Variants in MON2 observed in about 807,000 individuals in gnomAD.
The protein encoded by MON2 is MON2 regulator of endosome-to-Golgi trafficking.
Under a neutral mutation model 208.6 loss-of-function variants are expected in MON2, and 84 were observed. That is an observed-to-expected ratio of 0.40 (90% CI 0.34 to 0.48). MON2 has a LOEUF of 0.48. MON2 is among the 20% of genes least tolerant of loss of function. MON2 has a pLI of 0.59. For synonymous variants in MON2, 660 were observed against 694.0 expected (o/e 0.95, Z 0.77); for missense variants, 1,611 against 2,015.4 (o/e 0.80, Z 3.84).
At position 62,532,541 on chromosome 12, in the gene MON2, A is replaced by G; in HGVS notation, c.1504A>G (p.Met502Val). Residue 502 changes from methionine to valine, a missense_variant, in exon 12 of 35, where the codon ATG becomes GTG. By Grantham distance (21) the Met-to-Val change is conservative. Coordinates refer to ENST00000393630, the MANE Select transcript of MON2 (RefSeq NM_015026.3). The stretch of plus-strand genomic sequence containing the variant: ...AGACCTTGTTCGTGGAATCACAAGT[A>G]TGATTGAAGGAGAGCTAGGAGAGCT... ...LLDLVRGITS[M>V]IEGELGELET... 2 of 1,614,056 alleles carry G rather than the reference A, an allele frequency of 1.2e-6. No homozygotes were observed. Among genetic ancestry groups the G allele is most frequent in the Middle Eastern group, 1.7e-4 (1 of 6,058 alleles).
At chr12:62,476,207 T>C (rs1392187039) in intron 1 of MON2, among the ~76,000 whole-genome samples, 1 of 152,156 alleles carries the variant, frequency 6.6e-6, no homozygotes, top group Non-Finnish European at 1.5e-5. Context: ...TGTAGAATAA[T>C]TGAATGTTAC....
chr12:62,481,300 G>T (rs1051119595), intron 1 of MON2, among the ~76,000 whole-genome samples: 2 of 152,176 alleles, frequency 1.3e-5, no homozygotes, highest in Non-Finnish European at 2.9e-5. Context: ...GCTGAGGCGG[G>T]CGGATCACGA....
intron 11 of MON2, among the ~76,000 whole-genome samples, chr12:62,529,960 C>T (rs925422393): frequency 3.9e-5 from 6 of 152,044 alleles, no homozygotes; most frequent in African/African-American, 1.2e-4. Context: ...GTGTTATCAC[C>T]TCAAACATTT....
chr12:62,509,043 G>A (rs1168825011), intron 8 of MON2: 7 of 150,954 alleles, frequency 4.6e-5, no homozygotes, highest in East Asian at 1.9e-4. Flanking sequence ...ATAATGCACC[G>A]TGTTTTTTTA....
chr12:62,500,967 A>C (rs2070796035), intron 6 of MON2, 87 bp downstream of exon 6: 1 of 761,196 alleles, frequency 1.3e-6, no homozygotes, highest in African/African-American at 1.8e-5. Context: ...TAATTTTTTT[A>C]ATGTGAATTT....
At chr12:62,529,489 CTT>C (rs1183034336) in intron 11 of MON2, among the ~76,000 whole-genome samples, 1 of 151,912 alleles carries the variant, frequency 6.6e-6, no homozygotes, top group Admixed American at 6.6e-5. Context: ...GATTCAGAAA[CTT>C]TAAGATTTTG....
chr12:62,483,925 A>C (rs1036342198), intron 1 of MON2, among the ~76,000 whole-genome samples: 6 of 152,252 alleles, frequency 3.9e-5, no homozygotes, highest in African/African-American at 1.4e-4. Flanking sequence ...GCCTTAAGGC[A>C]GAGGAAGGCA....
At chr12:62,577,935 G>A (rs1049292697) in intron 30 of MON2, among the ~76,000 whole-genome samples, 4 of 151,960 alleles carry the variant, frequency 2.6e-5, no homozygotes, top group African/African-American at 9.7e-5. Context: ...ACAATTTTCT[G>A]CTTTAGAAAA....
At chr12:62,528,558 T>G (rs983570789) in intron 11 of MON2, among the ~76,000 whole-genome samples, 3 of 152,222 alleles carry the variant, frequency 2.0e-5, no homozygotes, top group African/African-American at 7.2e-5. Flanking sequence ...AGTATGTGTT[T>G]TCTTTTAGGT....
intron 8 of MON2, among the ~76,000 whole-genome samples, chr12:62,518,442 C>T (rs771631970): frequency 1.1e-4 from 17 of 152,168 alleles, no homozygotes; most frequent in Non-Finnish European, 2.1e-4. Context: ...TAAGCTGCAA[C>T]ACTGGGGTGT....
intron 33 of MON2, chr12:62,585,834 C>T (rs1245969010): frequency 7.0e-5 from 12 of 171,280 alleles, no homozygotes; most frequent in Admixed American, 6.5e-4. Context: ...TTGTGGATCT[C>T]TATGAGCACA....
rs1420565819 is a variant in MON2, at chr12:62,596,793, G to A, written c.*4044G>A. On this transcript the variant is annotated 3_prime_UTR_variant, in exon 35 of 35. Transcript: ENST00000393630. ...TTCATTTGAATGAAAAGTGTTTATA[G>A]ATTCAGAAAGAGAGATGATATCTTT... is the stretch of plus-strand genomic sequence containing the variant. 1 of 152,176 alleles carries A rather than the reference G, an allele frequency of 6.6e-6. No individual in the cohort carries two copies. Among genetic ancestry groups the A allele is most frequent in the Non-Finnish European group, 1.5e-5 (1 of 68,028 alleles). 9.4% of individuals were successfully genotyped at this position (152,176 alleles called of 1,614,324 possible).
At chr12:62,542,762 C>A (rs1394344185) in intron 19 of MON2, among the ~76,000 whole-genome samples, 1 of 152,088 alleles carries the variant, frequency 6.6e-6, no homozygotes, top group Non-Finnish European at 1.5e-5. Context: ...CACATAAAAC[C>A]TGGTCATTTT....
intron 29 of MON2, among the ~76,000 whole-genome samples, chr12:62,571,018 C>T (rs1167564703): frequency 2.6e-5 from 4 of 152,026 alleles, no homozygotes. Context: ...GCGTGAGCCA[C>T]CACGCTTGGC....
At chr12:62,478,820 T>C (rs1273584930) in intron 1 of MON2, among the ~76,000 whole-genome samples, 1 of 152,196 alleles carries the variant, frequency 6.6e-6, no homozygotes, top group Non-Finnish European at 1.5e-5. Context: ...TAGAGACATT[T>C]CTTCATTTAG....
chr12:62,560,950 G>C lies in MON2; in HGVS notation c.3869G>C (p.Gly1290Ala), dbSNP rs995707661. 1.2e-6 allele frequency: 2 copies of C among 1,613,892 alleles called. No individual in the cohort carries two copies. Among genetic ancestry groups the C allele is most frequent in the Non-Finnish European group, 1.7e-6 (2 of 1,179,920 alleles). ...GCTCTCTACCAACACATAAAAACTG[G>C]TTTCAATATGGATGACTTGCAAAAG... ...FPALYQHIKT[G>A]FNMDDLQKLG... Residue 1290 changes from glycine (G) to alanine (A), a missense_variant, in exon 26 of 35, where the codon GGT becomes GCT. Gly to Ala is a moderately conservative substitution (Grantham distance 60, BLOSUM62 0). Transcript: ENST00000393630.
At chr12:62,522,658 G>A (rs2072112831) in intron 8 of MON2, among the ~76,000 whole-genome samples, 2 of 152,288 alleles carry the variant, frequency 1.3e-5, no homozygotes, top group South Asian at 2.1e-4. Flanking sequence ...TATACCATAA[G>A]TGCTAATCTT....
Position 62,596,191 on chromosome 12 carries a change from A to G in MON2, c.*3442A>G, listed in dbSNP as rs2075524590. 1.3e-5 allele frequency: 2 copies of G among 152,246 alleles called. No homozygotes were observed. Among genetic ancestry groups the G allele is most frequent in the African/African-American group, 2.4e-5 (1 of 41,462 alleles). 9.4% of individuals were successfully genotyped at this position (152,246 alleles called of 1,614,324 possible). A position where few individuals can be genotyped will look rare whatever the true frequency, so the allele number is the denominator to read the frequency against. The stretch of plus-strand genomic sequence containing the variant: ...CAGTGTTAGAAAACAACTCAAAAGT[A>G]TATTCTTTATTAATGAGGTGGTCAT... On this transcript the variant is annotated 3_prime_UTR_variant, in exon 35 of 35. Coordinates refer to ENST00000393630, the MANE Select transcript of MON2 (RefSeq NM_015026.3).
Position 62,538,241 on chromosome 12 carries a change from ATTC to A in MON2, c.2200-6_2200-4del. ...AGTGTCATATATTACATTTAATTTT[ATTC>A]TTCTCAGGTTCTAACAACAGCAGTG... On this transcript the variant is annotated splice_polypyrimidine_tract_variant and splice_region_variant and intron_variant, in intron 17 of 34. Coordinates refer to ENST00000393630, the MANE Select transcript of MON2 (RefSeq NM_015026.3). The A allele has an allele frequency of 6.2e-7, 1 of 1,611,732 alleles. No individual in the cohort carries two copies. The highest frequency in any genetic ancestry group is 8.5e-7 in the Non-Finnish European group (1 of 1,177,934).
Sources: allele counts gnomAD v4.1 joint callset (sites outside exome capture counted in the v4.1 genomes callset), GRCh38; gene constraint gnomAD v4.1.1; transcripts MANE v1.5; gene names NCBI Gene and HGNC (gene_info 2026-07-23, HGNC 2026-07-21).